Variants in PTPRN2 observed in about 807,000 individuals in gnomAD.
The protein encoded by PTPRN2 is receptor-type tyrosine-protein phosphatase N2.
PTPRN2 carries 74 observed loss-of-function variants against 118.8 expected under a neutral mutation model. That is an observed-to-expected ratio of 0.62 (90% CI 0.52 to 0.76). The LOEUF (loss-of-function observed/expected upper bound fraction) is 0.76. PTPRN2 is among the 30% of genes least tolerant of loss of function. The pLI is 0.00. For synonymous variants in PTPRN2, 641 were observed against 608.0 expected, an observed-to-expected ratio of 1.05 and a Z score of -0.80; for missense variants, 1,481 against 1,394.4, an observed-to-expected ratio of 1.06 and a Z score of -0.99.
In PTPRN2 at chr7:157,563,315, C is replaced by T. The variant is rs540950466; in HGVS notation, c.2902+5587G>A. On this transcript the variant is annotated intron_variant, in intron 21 of 22. Transcript: ENST00000389418. Reference sequence around the variant, plus strand: ...ACAGCAGATCAGGACCACGTGCTCCCGCATCACCACACCACATGCAGCAGA... The same window carrying T: ...ACAGCAGATCAGGACCACGTGCTCCTGCATCACCACACCACATGCAGCAGA... Among the ~76,000 whole-genome samples, 547 of 124,538 alleles carry T rather than the reference C, an allele frequency of 4.4e-3. 9 individuals carry two copies. Among genetic ancestry groups the T allele is most frequent in the African/African-American group, 0.013 (395 of 29,308 alleles). 81.7% of individuals were successfully genotyped at this position (124,538 alleles called of 152,430 possible). A position where few individuals can be genotyped will look rare whatever the true frequency, so the allele number is the denominator to read the frequency against.
chr7:157,634,821 G>A (rs1488898374), intron 14 of PTPRN2, among the ~76,000 whole-genome samples: 1 of 152,240 alleles, frequency 6.6e-6, no homozygotes, highest in Non-Finnish European at 1.5e-5. Context: ...GAGACAGCAA[G>A]TTTGAGAAAA....
chr7:158,397,654 C>T (rs1319988724), intron 2 of PTPRN2, among the ~76,000 whole-genome samples: 3 of 152,182 alleles, frequency 2.0e-5, no homozygotes, highest in Non-Finnish European at 2.9e-5. Flanking sequence ...CCCTCCCCAC[C>T]CCCCAGTCAC....
At chr7:157,897,245 G>A (rs1021510159) in intron 12 of PTPRN2, among the ~76,000 whole-genome samples, 1 of 152,076 alleles carries the variant, frequency 6.6e-6, no homozygotes, top group Non-Finnish European at 1.5e-5. Context: ...CGCAGGAGAC[G>A]CACCTCCGAC....
chr7:158,157,608 G>A (rs898089839), intron 6 of PTPRN2, among the ~76,000 whole-genome samples: 10 of 152,196 alleles, frequency 6.6e-5, no homozygotes, highest in African/African-American at 1.7e-4. Flanking sequence ...CCAGCCACAC[G>A]CAGGTCCGAG....
At position 157,603,440 on chromosome 7, in the gene PTPRN2, C is replaced by T. The variant is rs1261578682; in HGVS notation, c.2418+562G>A. Among the ~76,000 whole-genome samples, 1 of 152,176 alleles carries T rather than the reference C, an allele frequency of 6.6e-6. No homozygotes were observed. The highest frequency in any genetic ancestry group is 1.5e-5 in the Non-Finnish European group (1 of 68,034). On this transcript the variant is annotated intron_variant, in intron 16 of 22. Transcript: ENST00000389418. The surrounding 1 kb of genome is among the most constrained non-coding windows in gnomAD (Gnocchi z 5.4). ...ACGGCACAGGAGCTGCCACCACACT[C>T]GTCCCCAGAAACACAGGACAGCCCG...
intron 11 of PTPRN2, among the ~76,000 whole-genome samples, chr7:158,019,599 A>G (rs1454562994): frequency 6.6e-6 from 1 of 152,244 alleles, no homozygotes; most frequent in Non-Finnish European, 1.5e-5. Context: ...GGGCGCTTAA[A>G]TTATTTTAAA....
intron 2 of PTPRN2, among the ~76,000 whole-genome samples, chr7:158,393,381 G>T (rs1812089549): frequency 6.6e-6 from 1 of 152,182 alleles, no homozygotes; most frequent in African/African-American, 2.4e-5. Flanking sequence ...TCACCAGGGG[G>T]CACGTCGGAG....
intron 1 of PTPRN2, among the ~76,000 whole-genome samples, chr7:158,582,620 A>G (rs1465794337): frequency 6.6e-6 from 1 of 151,844 alleles, no homozygotes; most frequent in Non-Finnish European, 1.5e-5. Context: ...TTACTCATGA[A>G]CCCAAACTAA....
At chr7:157,946,959 C>A (rs1039332856) in intron 11 of PTPRN2, among the ~76,000 whole-genome samples, 2 of 152,220 alleles carry the variant, frequency 1.3e-5, no homozygotes, top group Non-Finnish European at 2.9e-5. Context: ...TATCCATTGA[C>A]TCCCATCCCT....
chr7:158,354,071 A>G (rs992351918), intron 2 of PTPRN2, among the ~76,000 whole-genome samples: 1 of 152,228 alleles, frequency 6.6e-6, no homozygotes, highest in Admixed American at 6.5e-5. Flanking sequence ...CGTTATCAGG[A>G]CATCCCCTTT....
intron 17 of PTPRN2, among the ~76,000 whole-genome samples, chr7:157,582,027 C>T (rs1217271628): frequency 6.6e-6 from 1 of 152,196 alleles, no homozygotes; most frequent in African/African-American, 2.4e-5. Flanking sequence ...AGAGCGTGGC[C>T]CTGCTCACAC....
At chr7:158,359,795 C>T (rs1227398053) in intron 2 of PTPRN2, among the ~76,000 whole-genome samples, 21 of 152,264 alleles carry the variant, frequency 1.4e-4, no homozygotes, top group Non-Finnish European at 2.5e-4. Flanking sequence ...GCAGCCCAAG[C>T]GAGAGCCCAG....
chr7:158,133,944 T>A lies in PTPRN2; in HGVS notation c.1289A>T (p.His430Leu), dbSNP rs1380302267. The A allele has an allele frequency of 1.2e-6, 2 of 1,613,976 alleles. No homozygotes were observed. Among genetic ancestry groups the A allele is most frequent in the South Asian group, 1.1e-5 (1 of 91,078 alleles). Residue 430 changes from histidine (H) to leucine (L), a missense_variant, in exon 9 of 23, where the codon CAC becomes CTC. By Grantham distance (99) the His-to-Leu change is moderately conservative (BLOSUM62 -3). Around this residue, in one of 3 missense-constraint regions of PTPRN2, gnomAD observed 1,115 missense variants for 994.2 expected, o/e 1.12. Coordinates refer to ENST00000389418, the MANE Select transcript of PTPRN2 (RefSeq NM_002847.5). ...TTCTGAAGACAGGGAAGACTCAGGG[T>A]GCTCGGACTTCTTCCTCTCCATGTC... The part of the protein sequence containing the change: ...PLDMERKKSE[H>L]PESSLSSEEE...
At chr7:158,448,970 G>C (rs531024566) in intron 2 of PTPRN2, among the ~76,000 whole-genome samples, 1 of 152,104 alleles carries the variant, frequency 6.6e-6, no homozygotes, top group African/African-American at 2.4e-5. Context: ...TGACACCCCC[G>C]CCTCCTCTCA....
intron 11 of PTPRN2, among the ~76,000 whole-genome samples, chr7:157,965,243 C>T (rs542021266): frequency 1.3e-3 from 201 of 152,296 alleles, no homozygotes; most frequent in African/African-American, 4.2e-3. Flanking sequence ...AATTTCAAGA[C>T]GAACCCTTTT....
intron 11 of PTPRN2, among the ~76,000 whole-genome samples, chr7:158,053,590 A>T (rs995131549): frequency 1.2e-4 from 19 of 152,218 alleles, no homozygotes; most frequent in Non-Finnish European, 2.8e-4. Context: ...ACACGTAAAG[A>T]GGTTCAATAG....
intron 3 of PTPRN2, among the ~76,000 whole-genome samples, chr7:158,288,285 C>A (rs2151015649): frequency 6.6e-6 from 1 of 152,270 alleles, no homozygotes; most frequent in Non-Finnish European, 1.5e-5. Context: ...CATTTACATT[C>A]ACAGTAATTA....
chr7:158,453,176 G>A (rs7384901), intron 2 of PTPRN2, among the ~76,000 whole-genome samples: 14 of 55,852 alleles, frequency 2.5e-4, no homozygotes, highest in East Asian at 2.0e-3. Flanking sequence ...CTCACCGTAC[G>A]GTGCAGGGGG....
chr7:157,682,158 C>A (rs1796943938), intron 13 of PTPRN2, among the ~76,000 whole-genome samples: 1 of 152,178 alleles, frequency 6.6e-6, no homozygotes, highest in African/African-American at 2.4e-5. Context: ...TTCCTCGCAT[C>A]CTCCCCGGTT....
Sources: allele counts gnomAD v4.1 joint callset (sites outside exome capture counted in the v4.1 genomes callset), GRCh38; gene constraint gnomAD v4.1.1; regional missense constraint gnomAD v4.1.1; non-coding constraint Gnocchi (gnomAD v3.1); transcripts MANE v1.5; gene names NCBI Gene and HGNC (gene_info 2026-07-23, HGNC 2026-07-21).